HSP90AB1: variants seen among roughly 807,000 people sequenced by gnomAD.
HSP90AB1 encodes the protein heat shock protein HSP 90-beta.
HSP90AB1 carries 17 observed loss-of-function variants against 67.8 expected under a neutral mutation model. That is an observed-to-expected ratio of 0.25 (90% CI 0.17 to 0.38). The LOEUF (loss-of-function observed/expected upper bound fraction) is 0.38, where lower values mean the gene tolerates loss of function less well. Among genes scored for constraint, HSP90AB1 ranks in the 10% least tolerant of loss-of-function variants. The pLI is 1.00. For synonymous variants in HSP90AB1, 390 were observed against 312.9 expected (o/e 1.25, Z -2.60); for missense variants, 690 against 899.9 (o/e 0.77, Z 2.98).
rs1306182013 is a variant in HSP90AB1, at chr6:44,253,245, C to G, written c.1932C>G (p.Ala644=). The change falls in exon 11 of 12, where the codon GCC becomes GCG. Residue 644 remains alanine, a synonymous_variant. Transcript: ENST00000371646. ...IVETLRQKAE[A]DKNDKAVKDL... ...AGACGCTGCGGCAGAAGGCTGAGGC[C>G]GACAAGAATGATAAGGCAGTTAAGG... 3.1e-6 allele frequency: 5 copies of G among 1,614,164 alleles called. No homozygotes were observed. The South Asian group carries it at 4.4e-5, about 14-fold the overall frequency.
Position 44,249,433 on chromosome 6 carries a change from T to G in HSP90AB1, c.204T>G (p.Gly68=). 1 of 1,613,990 alleles carries G rather than the reference T, an allele frequency of 6.2e-7. No individual in the cohort carries two copies. The highest frequency in any genetic ancestry group is 8.5e-7 in the Non-Finnish European group (1 of 1,179,898). The change falls in exon 3 of 12, where the codon GGT becomes GGG. Residue 68 remains glycine, a synonymous_variant. Coordinates refer to ENST00000371646, the MANE Select transcript of HSP90AB1 (RefSeq NM_007355.4). The part of the protein sequence containing the change: ...SLTDPSKLDS[G]KELKIDIIPN... The stretch of plus-strand genomic sequence containing the variant: ...CAGACCCTTCGAAGTTGGACAGTGG[T>G]AAAGAGCTGAAAATTGACATCATCC...
intron 2 of HSP90AB1, 31 bp downstream of exon 2, chr6:44,248,807 GTT>G (rs58519104): frequency 5.3e-4 from 729 of 1,385,932 alleles, no homozygotes; most frequent in Admixed American, 6.4e-4. Context: ...ATTTGGCATG[GTT>G]TTTTTTTTTG....
rs1360419433 is a variant in HSP90AB1, at chr6:44,253,637, A to G, written c.*39A>G. The G allele has an allele frequency of 1.3e-6, 2 of 1,505,718 alleles. No individual in the cohort carries two copies. The highest frequency in any genetic ancestry group is 1.1e-5 in the South Asian group (1 of 88,872). The allele number at this position is 1,505,718 out of a possible 1,614,324, so 93.3% of individuals were successfully genotyped here. ...AGTTGGAAAACTTGTGCCCTTGTAT[A>G]GTGTCCCCATGGGCTCCCACTGCAG... On this transcript the variant is annotated 3_prime_UTR_variant, in exon 12 of 12. Coordinates refer to ENST00000371646, the MANE Select transcript of HSP90AB1 (RefSeq NM_007355.4).
chr6:44,252,934 A>G lies in HSP90AB1; in HGVS notation c.1732-111A>G, dbSNP rs1780905865. The G allele has an allele frequency of 4.7e-6, 4 of 845,872 alleles. No homozygotes were observed. In the Admixed American group the frequency reaches 9.6e-5, roughly 20 times the overall value. 52.4% of individuals were successfully genotyped at this position (845,872 alleles called of 1,614,324 possible). On this transcript the variant is annotated intron_variant, in intron 10 of 11. Coordinates refer to ENST00000371646, the MANE Select transcript of HSP90AB1 (RefSeq NM_007355.4). The stretch of plus-strand genomic sequence containing the variant: ...TTGCCATGTTGGCCAGCATGGTCTC[A>G]AACTCAAGTGGTCTGTCCACCTCCT...
chr6:44,248,542 C>CT, intron 1 of HSP90AB1, 88 bp from the exon 2 acceptor site: 1 of 1,251,520 alleles, frequency 8.0e-7, no homozygotes, highest in African/African-American at 1.5e-5. Context: ...AACTCACTGT[C>CT]TAAGGTCCTA....
chr6:44,251,709 AT>A, intron 8 of HSP90AB1, 27 bp from the exon 9 acceptor site: 1 of 1,606,496 alleles, frequency 6.2e-7, no homozygotes, highest in Non-Finnish European at 8.5e-7. Flanking sequence ...GTTAAGCTGG[AT>A]TGTTTTTCCT....
Position 44,251,575 on chromosome 6 carries a change from G to A in HSP90AB1, c.1281G>A (p.Lys427=), listed in dbSNP as rs899526934. Residue 427 remains lysine, a synonymous_variant, in exon 8 of 12, where the codon AAG becomes AAA. Transcript: ENST00000371646. ...SELAEDKENY[K]KFYEAFSKNL... is the part of the protein sequence containing the mutation. Reference sequence around the variant, plus strand: ...TGGCAGAAGACAAGGAGAATTACAAGAAATTCTATGAGGCATTCTCTAAAA... The same window carrying A: ...TGGCAGAAGACAAGGAGAATTACAAAAAATTCTATGAGGCATTCTCTAAAA... 6.2e-7 allele frequency: 1 copy of A among 1,608,434 alleles called. No homozygotes were observed. The highest frequency in any genetic ancestry group is 1.3e-5 in the African/African-American group (1 of 74,814).
At position 44,251,581 on chromosome 6, in the gene HSP90AB1, C is replaced by T; in HGVS notation, c.1287C>T (p.Phe429=). 1.2e-6 allele frequency: 2 copies of T among 1,606,978 alleles called. No individual in the cohort carries two copies. Among genetic ancestry groups the T allele is most frequent in the Non-Finnish European group, 8.5e-7 (1 of 1,175,438 alleles). Residue 429 remains phenylalanine (F), a synonymous_variant, in exon 8 of 12, where the codon TTC becomes TTT. Transcript: ENST00000371646. ...AAGACAAGGAGAATTACAAGAAATT[C>T]TATGAGGCATTCTCTAAAAATCTCA... ...LAEDKENYKK[F]YEAFSKNLKL...
rs534546034 is a variant in HSP90AB1 at position 44,251,788 on chromosome 6, C to T, written c.1366C>T (p.Arg456Cys). The T allele has an allele frequency of 2.1e-5, 34 of 1,613,292 alleles. No homozygotes were observed. Among genetic ancestry groups the T allele is most frequent in the Admixed American group, 1.0e-4 (6 of 60,012 alleles). ...TNRRRLSELL[R>C]YHTSQSGDEM... ...CCGCCGCCGCCTGTCTGAGCTGCTGCGCTATCATACCTCCCAGTCTGGAGA... is the reference window on the plus strand; with the variant it reads ...CCGCCGCCGCCTGTCTGAGCTGCTGTGCTATCATACCTCCCAGTCTGGAGA... The change falls in exon 9 of 12, where the codon CGC (arginine) becomes TGC (cysteine). Residue 456 changes from arginine (R) to cysteine (C), a missense_variant. By Grantham distance (180) the Arg-to-Cys change is radical. Coordinates refer to ENST00000371646, the MANE Select transcript of HSP90AB1 (RefSeq NM_007355.4).
At chr6:44,249,613 AT>A in intron 3 of HSP90AB1, 30 bp downstream of exon 3, 1 of 1,611,194 alleles carries the variant, frequency 6.2e-7, no homozygotes, top group Non-Finnish European at 8.5e-7. Context: ...ATTCATACTT[AT>A]CTGTGTTCTT....
Position 44,247,114 on chromosome 6 carries a change from C to T in HSP90AB1, c.-82C>T, listed in dbSNP as rs758970404. 3 of 152,246 alleles carry T rather than the reference C, an allele frequency of 2.0e-5. No individual in the cohort carries two copies. Among genetic ancestry groups the T allele is most frequent in the African/African-American group, 7.2e-5 (3 of 41,448 alleles). 9.4% of individuals were successfully genotyped at this position (152,246 alleles called of 1,614,324 possible). A position where few individuals can be genotyped will look rare whatever the true frequency, so the allele number is the denominator to read the frequency against. On this transcript the variant is annotated 5_prime_UTR_variant, in exon 1 of 12. Transcript: ENST00000371646. ...CACGCAGTAGCTCTCTCGAGTCACT[C>T]CGGCGCAGTGTTGGGACTGTCTGGG...
rs1444378512 is a variant in HSP90AB1 at position 44,250,021 on chromosome 6, G to A, written c.515G>A (p.Gly172Asp). Residue 172 changes from glycine to aspartate, a missense_variant and splice_region_variant, in exon 5 of 12, where the codon GGT becomes GAT. Physicochemically the swap from Gly to Asp is moderately conservative, Grantham distance 94. Coordinates refer to ENST00000371646, the MANE Select transcript of HSP90AB1 (RefSeq NM_007355.4). ...GGSFTVRADHGEPIGRGTKVI... is the reference protein window; with the variant it reads ...GGSFTVRADHDEPIGRGTKVI... ...ACACGCTTGTAATTGACTCTTCTAG[G>A]TGAGCCCATTGGCAGGGGTACCAAA... 1.2e-6 allele frequency: 2 copies of A among 1,614,066 alleles called. No homozygotes were observed. The highest frequency in any genetic ancestry group is 1.7e-5 in the Admixed American group (1 of 60,018).
Position 44,251,398 on chromosome 6 carries a change from C to G in HSP90AB1, c.1124-20C>G, listed in dbSNP as rs1409338030. The G allele has an allele frequency of 6.3e-7, 1 of 1,595,018 alleles. No individual in the cohort carries two copies. Among genetic ancestry groups the G allele is most frequent in the African/African-American group, 1.3e-5 (1 of 74,152 alleles). ...GTCTAGCTGTTTTTTACTGAGCTTTCTCACCCTGGTTGATGGCAGATTTTA... is the reference window on the plus strand; with the variant it reads ...GTCTAGCTGTTTTTTACTGAGCTTTGTCACCCTGGTTGATGGCAGATTTTA... On this transcript the variant is annotated intron_variant, in intron 7 of 11. Coordinates refer to ENST00000371646, the MANE Select transcript of HSP90AB1 (RefSeq NM_007355.4).
rs1356489887 is a variant in HSP90AB1, at chr6:44,251,893, ACT to A, written c.1462+12_1462+13del. 5.6e-6 allele frequency: 9 copies of A among 1,613,040 alleles called. No homozygotes were observed. The highest frequency in any genetic ancestry group is 2.2e-5 in the South Asian group (2 of 91,036). On this transcript the variant is annotated intron_variant, in intron 9 of 11. Transcript: ENST00000371646. ...CATCTATTACATCACTGGTGCGTTGACTCTGATTGAAGCCTTTTTGGAGGAGT... is the reference window on the plus strand; with the variant it reads ...CATCTATTACATCACTGGTGCGTTGACTGATTGAAGCCTTTTTGGAGGAGT...
At chr6:44,250,919 G>C (rs1582985225) in intron 6 of HSP90AB1, 129 bp from the exon 7 acceptor site, 2 of 807,268 alleles carry the variant, frequency 2.5e-6, no homozygotes, top group East Asian at 4.9e-5. Flanking sequence ...AGTTTTCTCA[G>C]GAGCTGCTTG....
At position 44,253,828 on chromosome 6, in the gene HSP90AB1, T is replaced by C; in HGVS notation, c.*230T>C. ...GTGTATTGTGGTTTATTTTATTTTC[T>C]TCATTTTGTTCTGAAATTAAAGTAT... On this transcript the variant is annotated 3_prime_UTR_variant, in exon 12 of 12. Transcript: ENST00000371646. 1 of 751,214 alleles carries C rather than the reference T, an allele frequency of 1.3e-6. No individual in the cohort carries two copies. Among genetic ancestry groups the C allele is most frequent in the South Asian group, 1.4e-5 (1 of 73,410 alleles). The allele number at this position is 751,214 out of a possible 1,614,324, so 46.5% of individuals were successfully genotyped here.
Position 44,252,928 on chromosome 6 carries a change from G to A in HSP90AB1, c.1732-117G>A, listed in dbSNP as rs575425539. The A allele has an allele frequency of 1.3e-4, 99 of 770,608 alleles. 1 individual carries two copies. The South Asian group carries it at 1.6e-3, about 13-fold the overall frequency. 47.7% of individuals were successfully genotyped at this position (770,608 alleles called of 1,614,324 possible). A position where few individuals can be genotyped will look rare whatever the true frequency, so the allele number is the denominator to read the frequency against. ...AGGGTTTTGCCATGTTGGCCAGCAT[G>A]GTCTCAAACTCAAGTGGTCTGTCCA... is the stretch of plus-strand genomic sequence containing the variant. On this transcript the variant is annotated intron_variant, in intron 10 of 11. Transcript: ENST00000371646.
At chr6:44,252,901 A>C (rs1023781919) in intron 10 of HSP90AB1, 144 bp from the exon 11 acceptor site, 14 of 646,354 alleles carry the variant, frequency 2.2e-5, no homozygotes, top group Non-Finnish European at 3.5e-5. Flanking sequence ...TTTTTTGTAG[A>C]CAGGGTTTTG....
intron 6 of HSP90AB1, among the ~76,000 whole-genome samples, chr6:44,250,800 A>G (rs1235429505): frequency 6.6e-6 from 1 of 152,200 alleles, no homozygotes; most frequent in Non-Finnish European, 1.5e-5. Flanking sequence ...TCTTATGGAA[A>G]TCTGGGTAAT....
Sources: gnomAD v4.1 joint callset for allele counts (sites outside exome capture counted in the v4.1 genomes callset) on GRCh38, gnomAD v4.1.1 for gene constraint, MANE v1.5 for transcripts, NCBI Gene and HGNC (gene_info 2026-07-23, HGNC 2026-07-21) for gene names.